Variants in SLC24A2 observed in about 807,000 individuals in gnomAD.
SLC24A2 encodes sodium/potassium/calcium exchanger 2.
SLC24A2 carries 36 observed loss-of-function variants against 62.0 expected under a neutral mutation model. The observed-to-expected ratio is 0.58, with a 90% CI of 0.44 to 0.77. The LOEUF (loss-of-function observed/expected upper bound fraction) is 0.77, where lower values mean the gene tolerates loss of function less well. Ranked by LOEUF, SLC24A2 falls within the 30% of genes least tolerant of loss-of-function variation. SLC24A2 has a pLI of 0.00. For synonymous variants in SLC24A2, 358 were observed against 294.0 expected, an observed-to-expected ratio of 1.22 and a Z score of -2.23; for missense variants, 846 against 817.9, an observed-to-expected ratio of 1.03 and a Z score of -0.42.
the SLC24A2 span, among the ~76,000 whole-genome samples, chr9:19,987,221 G>A: frequency 2.0e-5 from 3 of 152,172 alleles, no homozygotes; most frequent in Non-Finnish European, 4.4e-5. Context: ...ACCTGTGGAG[G>A]TGTGCGGGTA....
At chr9:19,918,934 T>C in the SLC24A2 span, among the ~76,000 whole-genome samples, 7 of 152,336 alleles carry the variant, frequency 4.6e-5, no homozygotes, top group South Asian at 1.4e-3. Flanking sequence ...GATTACAATG[T>C]TCTGGGCAAG....
At chr9:19,836,373 C>T in the SLC24A2 span, among the ~76,000 whole-genome samples, 10 of 152,064 alleles carry the variant, frequency 6.6e-5, no homozygotes, top group Non-Finnish European at 1.5e-4. Context: ...TAAACAGACG[C>T]AATAAAAAAT....
At chr9:19,546,811 A>G (rs1834600110) in intron 8 of SLC24A2, among the ~76,000 whole-genome samples, 2 of 152,054 alleles carry the variant, frequency 1.3e-5, no homozygotes, top group South Asian at 4.2e-4. Flanking sequence ...TGTGCTTGAA[A>G]CCCAGGACAC....
intron 8 of SLC24A2, among the ~76,000 whole-genome samples, chr9:19,529,254 G>A (rs187377878): frequency 1.1e-4 from 17 of 152,208 alleles, no homozygotes; most frequent in African/African-American, 2.6e-4. Flanking sequence ...TCAATTGTCC[G>A]AAAGGCTGAC....
chr9:19,849,267 G>T, the SLC24A2 span, among the ~76,000 whole-genome samples: 1 of 152,168 alleles, frequency 6.6e-6, no homozygotes, highest in Non-Finnish European at 1.5e-5. Context: ...ACTCTTAATT[G>T]CTCACTAAGA....
At chr9:20,116,792 G>A in the SLC24A2 span, among the ~76,000 whole-genome samples, 1 of 152,166 alleles carries the variant, frequency 6.6e-6, no homozygotes, top group Non-Finnish European at 1.5e-5. Context: ...TCTGAGGCAA[G>A]AGAGCAGAAG....
At chr9:19,700,042 A>G (rs887965778) in intron 2 of SLC24A2, among the ~76,000 whole-genome samples, 2 of 152,194 alleles carry the variant, frequency 1.3e-5, no homozygotes, top group African/African-American at 4.8e-5. Flanking sequence ...AAATGTGGCA[A>G]TTGACGTCTG....
the SLC24A2 span, among the ~76,000 whole-genome samples, chr9:19,828,444 A>C: frequency 6.6e-6 from 1 of 152,194 alleles, no homozygotes; most frequent in Non-Finnish European, 1.5e-5. Flanking sequence ...ATTTACCCAT[A>C]ATAATTCAAA....
chr9:20,288,724 G>A, the SLC24A2 span, among the ~76,000 whole-genome samples: 1 of 147,554 alleles, frequency 6.8e-6, no homozygotes, highest in Admixed American at 6.7e-5. Context: ...TGCCACTGAT[G>A]GAGTGAGACT....
Position 19,508,840 on chromosome 9 carries a change from A to C in SLC24A2, c.*7313T>G, listed in dbSNP as rs976282770. ...AATTTGTGATGAAGTTGAAACATTA[A>C]AGTTTTTAGTTGTGGGGACATCTTT... On this transcript the variant is annotated 3_prime_UTR_variant, in exon 11 of 11. Coordinates refer to ENST00000341998, the MANE Select transcript of SLC24A2 (RefSeq NM_020344.4). The C allele has an allele frequency of 6.6e-6, 1 of 152,096 alleles. No individual in the cohort carries two copies. Among genetic ancestry groups the C allele is most frequent in the African/African-American group, 2.4e-5 (1 of 41,414 alleles). 9.4% of individuals were successfully genotyped at this position (152,096 alleles called of 1,614,324 possible). A position where few individuals can be genotyped will look rare whatever the true frequency, so the allele number is the denominator to read the frequency against.
At position 19,710,543 on chromosome 9, in the gene SLC24A2, T is replaced by C. The variant is rs181253157; in HGVS notation, c.930+75394A>G. On this transcript the variant is annotated intron_variant, in intron 2 of 10. Coordinates refer to ENST00000341998, the MANE Select transcript of SLC24A2 (RefSeq NM_020344.4). ...AATAACACATTTACAGGTTCAAATA[T>C]GAGAAAGAACACAAATGTTCAGGTG... 1.1e-4 allele frequency among the ~76,000 whole-genome samples: 16 copies of C among 152,166 alleles called. 1 individual carries two copies. The highest frequency in any genetic ancestry group is 3.6e-4 in the African/African-American group (15 of 41,496).
At chr9:20,249,307 T>A in the SLC24A2 span, among the ~76,000 whole-genome samples, 1 of 152,210 alleles carries the variant, frequency 6.6e-6, no homozygotes, top group Non-Finnish European at 1.5e-5. Flanking sequence ...ATTGTATAAC[T>A]GTGAACCATG....
the SLC24A2 span, among the ~76,000 whole-genome samples, chr9:20,023,057 A>G: frequency 6.6e-6 from 1 of 152,202 alleles, no homozygotes; most frequent in Non-Finnish European, 1.5e-5. Flanking sequence ...AGAAAATGAC[A>G]CTGTGCATCT....
At chr9:20,279,459 A>C in the SLC24A2 span, among the ~76,000 whole-genome samples, 3 of 152,236 alleles carry the variant, frequency 2.0e-5, no homozygotes, top group Non-Finnish European at 4.4e-5. Context: ...TCAGCCCAGG[A>C]GGCGGAGGAT....
intron 2 of SLC24A2, among the ~76,000 whole-genome samples, chr9:19,713,224 T>C (rs891187863): frequency 6.6e-6 from 1 of 152,120 alleles, no homozygotes; most frequent in Non-Finnish European, 1.5e-5. Context: ...ATTTATTGCA[T>C]GAATGAAGGA....
the SLC24A2 span, among the ~76,000 whole-genome samples, chr9:20,038,153 G>C: frequency 6.6e-6 from 1 of 152,138 alleles, no homozygotes; most frequent in Non-Finnish European, 1.5e-5. Flanking sequence ...CATATAATTA[G>C]AGGCATTGAC....
intron 8 of SLC24A2, among the ~76,000 whole-genome samples, chr9:19,548,991 C>A (rs574684899): frequency 1.4e-4 from 21 of 152,268 alleles, no homozygotes; most frequent in Non-Finnish European, 2.8e-4. Context: ...CCTTCCCTCT[C>A]CTTAGTTCTT....
At chr9:19,869,654 T>C in the SLC24A2 span, among the ~76,000 whole-genome samples, 2 of 152,242 alleles carry the variant, frequency 1.3e-5, no homozygotes, top group African/African-American at 4.8e-5. Context: ...TACTGAGTCC[T>C]GATAATTAAA....
the SLC24A2 span, among the ~76,000 whole-genome samples, chr9:20,246,104 G>A: frequency 6.6e-6 from 1 of 152,156 alleles, no homozygotes; most frequent in East Asian, 1.9e-4. Flanking sequence ...GTTGCTGCAG[G>A]ATATCAAGGT....
Sources: allele counts gnomAD v4.1 joint callset (sites outside exome capture counted in the v4.1 genomes callset), GRCh38; gene constraint gnomAD v4.1.1; transcripts MANE v1.5; gene names NCBI Gene and HGNC (gene_info 2026-07-23, HGNC 2026-07-21).